OTUD3: variants seen among roughly 807,000 people sequenced by gnomAD.
OTUD3 encodes the protein OTU deubiquitinase 3, also known as OTU domain-containing protein 3.
Under a neutral mutation model 46.2 loss-of-function variants are expected in OTUD3, and 24 were observed. The observed-to-expected ratio is 0.52, with a 90% CI of 0.38 to 0.73. The LOEUF (loss-of-function observed/expected upper bound fraction) is 0.73, where lower values mean the gene tolerates loss of function less well. Ranked by LOEUF, OTUD3 falls within the 30% of genes least tolerant of loss-of-function variation. OTUD3 has a pLI of 0.00. For missense variants in OTUD3, 455 were observed against 523.3 expected, an observed-to-expected ratio of 0.87 and a Z score of 1.27; for synonymous variants, 189 against 195.4, an observed-to-expected ratio of 0.97 and a Z score of 0.27.
At chr1:19,888,275 A>G (rs2045398502) in intron 1 of OTUD3, among the ~76,000 whole-genome samples, 1 of 152,228 alleles carries the variant, frequency 6.6e-6, no homozygotes, top group East Asian at 1.9e-4. Flanking sequence ...GCCCTGCTAT[A>G]GGTAATGGTG....
chr1:19,893,242 C>T (rs767710312), intron 2 of OTUD3, among the ~76,000 whole-genome samples: 1 of 152,192 alleles, frequency 6.6e-6, no homozygotes, highest in Non-Finnish European at 1.5e-5. Context: ...TTGGTACCAT[C>T]TACAAGTTGG....
chr1:19,902,838 C>G (rs542963673), intron 4 of OTUD3, among the ~76,000 whole-genome samples: 1 of 151,708 alleles, frequency 6.6e-6, no homozygotes. Context: ...TGGCTAAATA[C>G]TTTGGCTGTT....
chr1:19,887,942 G>A (rs2045391227), intron 1 of OTUD3, among the ~76,000 whole-genome samples: 1 of 152,146 alleles, frequency 6.6e-6, no homozygotes, highest in South Asian at 2.1e-4. Flanking sequence ...TTGCAATATT[G>A]TCTAATAGTA....
At chr1:19,897,446 G>T (rs1398829008) in intron 3 of OTUD3, 94 bp from the exon 4 acceptor site, 4 of 1,339,940 alleles carry the variant, frequency 3.0e-6, no homozygotes, top group South Asian at 1.4e-5. Flanking sequence ...TAGACCTGCT[G>T]ACTGGGCTTC....
chr1:19,899,933 G>T (rs1208449958), intron 4 of OTUD3, among the ~76,000 whole-genome samples: 1 of 151,964 alleles, frequency 6.6e-6, no homozygotes, highest in East Asian at 1.9e-4. Context: ...TTGTCTTAAT[G>T]ATTTTGGGGA....
At chr1:19,900,576 T>C (rs921714227) in intron 4 of OTUD3, among the ~76,000 whole-genome samples, 1 of 152,216 alleles carries the variant, frequency 6.6e-6, no homozygotes, top group East Asian at 1.9e-4. Context: ...GATCCAACTT[T>C]ATATTTCCCT....
chr1:19,906,687 A>G (rs1571185592), intron 7 of OTUD3, 71 bp downstream of exon 7: 1 of 1,276,188 alleles, frequency 7.8e-7, no homozygotes, highest in East Asian at 2.5e-5. Flanking sequence ...GTAGCTTGAG[A>G]TTAATTTTAT....
At chr1:19,887,045 A>G (rs1174718553) in intron 1 of OTUD3, among the ~76,000 whole-genome samples, 5 of 152,126 alleles carry the variant, frequency 3.3e-5, no homozygotes, top group Non-Finnish European at 2.9e-5. Context: ...AATTCAATAT[A>G]AAAATTATTG....
intron 1 of OTUD3, among the ~76,000 whole-genome samples, chr1:19,888,996 C>T (rs2045409850): frequency 6.6e-6 from 1 of 152,120 alleles, no homozygotes. Context: ...TGTAAAATAA[C>T]TACATAAATT....
rs778776410 is a variant in OTUD3, at chr1:19,882,728, G to A, written c.215G>A (p.Gly72Glu). ...ALGLKLREVPGDGNCLFRALG... is the reference protein window; with the variant it reads ...ALGLKLREVPEDGNCLFRALG... ...GGGCTGAAGCTGCGGGAGGTGCCGGGGGACGGGTGAGGCGGGCCGGGAGCG... is the reference window on the plus strand; with the variant it reads ...GGGCTGAAGCTGCGGGAGGTGCCGGAGGACGGGTGAGGCGGGCCGGGAGCG... Residue 72 changes from glycine to glutamate, a missense_variant, in exon 1 of 8, where the codon GGG (glycine) becomes GAG (glutamate). Transcript: ENST00000375120. 1 of 1,364,584 alleles carries A rather than the reference G, an allele frequency of 7.3e-7. No homozygotes were observed. Among genetic ancestry groups the A allele is most frequent in the Non-Finnish European group, 9.5e-7 (1 of 1,057,802 alleles). The allele number at this position is 1,364,584 out of a possible 1,614,324, so 84.5% of individuals were successfully genotyped here. A position where few individuals can be genotyped will look rare whatever the true frequency, so the allele number is the denominator to read the frequency against.
chr1:19,902,728 C>G (rs2045607702), intron 4 of OTUD3, among the ~76,000 whole-genome samples: 1 of 152,026 alleles, frequency 6.6e-6, no homozygotes, highest in East Asian at 1.9e-4. Flanking sequence ...TTTTGGTTTG[C>G]AGTAGTTTTT....
intron 4 of OTUD3, among the ~76,000 whole-genome samples, chr1:19,901,597 G>A (rs79308628): frequency 0.13 from 19,039 of 152,040 alleles, 1,526 homozygotes; most frequent in East Asian, 0.28. Context: ...AGTGTTTGTT[G>A]TACAACCACT....
intron 5 of OTUD3, 144 bp downstream of exon 5, chr1:19,904,542 T>G (rs1328271767): frequency 1.4e-6 from 1 of 701,466 alleles, no homozygotes; most frequent in Non-Finnish European, 2.4e-6. Flanking sequence ...GATTAGTGTA[T>G]GTGGCTTAAT....
At chr1:19,901,343 A>G (rs2045586827) in intron 4 of OTUD3, among the ~76,000 whole-genome samples, 1 of 152,054 alleles carries the variant, frequency 6.6e-6, no homozygotes, top group Non-Finnish European at 1.5e-5. Context: ...CTTCATATAG[A>G]TCTTGCCCAC....
intron 4 of OTUD3, among the ~76,000 whole-genome samples, chr1:19,900,050 A>G (rs1191277754): frequency 2.0e-5 from 3 of 152,156 alleles, no homozygotes; most frequent in Non-Finnish European, 4.4e-5. Context: ...GGTCTTTGCT[A>G]TGAAAGAATT....
chr1:19,907,582 C>CA lies in OTUD3; in HGVS notation c.1034dup (p.Arg346GlufsTer27). ...CCTTCTCTCTCAGGTCACAAACAAACAGAGGCGAGAACAGCAGTGGATGGA... is the reference window on the plus strand; with the variant it reads ...CCTTCTCTCTCAGGTCACAAACAAACAAGAGGCGAGAACAGCAGTGGATGGA... On this transcript the variant is annotated frameshift_variant, in exon 8 of 8. Transcript: ENST00000375120. LOFTEE classifies it high-confidence loss of function. The CA allele has an allele frequency of 6.2e-7, 1 of 1,613,980 alleles. No individual in the cohort carries two copies. The highest frequency in any genetic ancestry group is 8.5e-7 in the Non-Finnish European group (1 of 1,179,934).
At chr1:19,895,829 C>T (rs2045510456) in intron 3 of OTUD3, among the ~76,000 whole-genome samples, 1 of 152,146 alleles carries the variant, frequency 6.6e-6, no homozygotes, top group Non-Finnish European at 1.5e-5. Flanking sequence ...TTAACAAAAT[C>T]ATTTGAATAC....
Position 19,882,671 on chromosome 1 carries a change from T to G in OTUD3, c.158T>G (p.Phe53Cys). Residue 53 changes from phenylalanine (F) to cysteine (C), a missense_variant, in exon 1 of 8, where the codon TTC becomes TGC. Phe to Cys is a radical substitution (Grantham distance 205, BLOSUM62 -2). Coordinates refer to ENST00000375120, the MANE Select transcript of OTUD3 (RefSeq NM_015207.2). ...GGCGGCGGCGGCTGCGAGGAGGAGTTCGTCAGCTTCGCCAACCAGCTGCAG... is the reference window on the plus strand; with the variant it reads ...GGCGGCGGCGGCTGCGAGGAGGAGTGCGTCAGCTTCGCCAACCAGCTGCAG... ...SGGGGGCEEE[F>C]VSFANQLQAL... 6.9e-7 allele frequency: 1 copy of G among 1,457,626 alleles called. No individual in the cohort carries two copies. Among genetic ancestry groups the G allele is most frequent in the Non-Finnish European group, 9.0e-7 (1 of 1,106,376 alleles). 90.3% of individuals were successfully genotyped at this position (1,457,626 alleles called of 1,614,324 possible). A position where few individuals can be genotyped will look rare whatever the true frequency, so the allele number is the denominator to read the frequency against.
intron 1 of OTUD3, among the ~76,000 whole-genome samples, chr1:19,885,782 G>C (rs1297051438): frequency 6.6e-6 from 1 of 152,156 alleles, no homozygotes; most frequent in Admixed American, 6.6e-5. Flanking sequence ...TGTTTATTAA[G>C]GACTCAGGTG....
Sources: allele counts gnomAD v4.1 joint callset (sites outside exome capture counted in the v4.1 genomes callset), GRCh38; gene constraint gnomAD v4.1.1; transcripts MANE v1.5; gene names NCBI Gene and HGNC (gene_info 2026-07-23, HGNC 2026-07-21).